Variants in MRNIP observed in about 807,000 individuals in gnomAD.
MRNIP encodes the protein MRN complex interacting protein, also known as MRN complex-interacting protein.
In MRNIP, 30 loss-of-function variants were observed where a neutral mutation model predicts 29.8. That is an observed-to-expected ratio of 1.01 (90% CI 0.75 to 1.36). The LOEUF (loss-of-function observed/expected upper bound fraction) is 1.36, where lower values mean the gene tolerates loss of function less well. MRNIP is among the 40% of genes most tolerant of loss of function. The pLI is 0.00. For synonymous variants in MRNIP, 201 were observed against 164.1 expected, an observed-to-expected ratio of 1.23 and a Z score of -1.72; for missense variants, 459 against 423.5, an observed-to-expected ratio of 1.08 and a Z score of -0.74.
chr5:179,856,375 G>T lies in MRNIP; in HGVS notation c.66+2356C>A, dbSNP rs535568918. 6.1e-4 allele frequency among the ~76,000 whole-genome samples: 93 copies of T among 152,136 alleles called. 1 individual carries two copies. Among genetic ancestry groups the T allele is most frequent in the Non-Finnish European group, 1.2e-3 (81 of 68,040 alleles). On this transcript the variant is annotated intron_variant, in intron 1 of 6. Transcript: ENST00000292586. ...AGATGGGAATGATGCCTAAGTCAAAGGTTGTTGAAGTTAAACGTGTTAAAG... is the reference window on the plus strand; with the variant it reads ...AGATGGGAATGATGCCTAAGTCAAATGTTGTTGAAGTTAAACGTGTTAAAG...
intron 1 of MRNIP, among the ~76,000 whole-genome samples, chr5:179,857,332 GC>G: frequency 6.6e-6 from 1 of 152,026 alleles, no homozygotes; most frequent in East Asian, 1.9e-4. Context: ...TTGGTGGCGC[GC>G]GCCTGTAATC....
chr5:179,844,319 G>A, intron 3 of MRNIP, 92 bp from the exon 4 acceptor site: 2 of 1,001,422 alleles, frequency 2.0e-6, no homozygotes, highest in Admixed American at 1.8e-5. Context: ...TTGGGAGGCT[G>A]AGGCAGGTGG....
At chr5:179,845,074 C>G (rs185062098) in intron 3 of MRNIP, among the ~76,000 whole-genome samples, 67 of 152,246 alleles carry the variant, frequency 4.4e-4, no homozygotes, top group Middle Eastern at 3.4e-3. Flanking sequence ...CTCAACTTTC[C>G]CTTATATTTT....
At chr5:179,854,661 A>G (rs1023148329) in intron 1 of MRNIP, among the ~76,000 whole-genome samples, 4 of 152,160 alleles carry the variant, frequency 2.6e-5, no homozygotes, top group Admixed American at 1.3e-4. Flanking sequence ...CCCAAATTGA[A>G]GCTGTAAAAA....
chr5:179,855,167 G>C (rs548705302), intron 1 of MRNIP, among the ~76,000 whole-genome samples: 1 of 151,900 alleles, frequency 6.6e-6, no homozygotes, highest in Non-Finnish European at 1.5e-5. Flanking sequence ...TTTTTGAGAC[G>C]GAGTTTCGCT....
chr5:179,844,638 C>A (rs1292615510), intron 3 of MRNIP, among the ~76,000 whole-genome samples: 3 of 152,030 alleles, frequency 2.0e-5, no homozygotes, highest in Non-Finnish European at 1.5e-5. Flanking sequence ...CTTGCCCAGG[C>A]TAGTCTCAAA....
chr5:179,858,702 G>A lies in MRNIP; in HGVS notation c.66+29C>T, dbSNP rs1315721454. The A allele has an allele frequency of 4.3e-6, 6 of 1,396,508 alleles. No homozygotes were observed. In the East Asian group the frequency reaches 1.1e-4, roughly 25 times the overall value. 86.5% of individuals were successfully genotyped at this position (1,396,508 alleles called of 1,614,324 possible). A position where few individuals can be genotyped will look rare whatever the true frequency, so the allele number is the denominator to read the frequency against. On this transcript the variant is annotated intron_variant, in intron 1 of 6. Transcript: ENST00000292586. ...CCCGTCCGCTGTCCCCGCGCCGGAG[G>A]AGGAGGAGGGGGCTGGCACCCGCCA...
chr5:179,844,561 C>T (rs374271512), intron 3 of MRNIP, among the ~76,000 whole-genome samples: 1 of 151,992 alleles, frequency 6.6e-6, no homozygotes, highest in African/African-American at 2.4e-5. Context: ...TATCTGGGAC[C>T]ACAGGCACGC....
chr5:179,852,351 AACAGCTGGTC>A (rs1227728230), intron 2 of MRNIP, among the ~76,000 whole-genome samples: 1 of 152,190 alleles, frequency 6.6e-6, no homozygotes, highest in Admixed American at 6.5e-5. Context: ...GTAAACAGTA[AACAGCTGGTC>A]ACGTGGATAA....
chr5:179,858,024 AAAAG>A (rs201356976), intron 1 of MRNIP, among the ~76,000 whole-genome samples: 187 of 141,044 alleles, frequency 1.3e-3, no homozygotes, highest in Non-Finnish European at 1.6e-3. Context: ...AAAAAAAAAA[AAAAG>A]AAGAAGAAGT....
intron 1 of MRNIP, among the ~76,000 whole-genome samples, chr5:179,855,906 T>TG (rs1491568711): frequency 1.4e-4 from 20 of 142,324 alleles, no homozygotes; most frequent in African/African-American, 5.6e-4. Flanking sequence ...TAAGAAAAGT[T>TG]GTTTTTTTTT....
chr5:179,850,221 T>C (rs1229926851), intron 2 of MRNIP, among the ~76,000 whole-genome samples: 1 of 152,138 alleles, frequency 6.6e-6, no homozygotes, highest in Non-Finnish European at 1.5e-5. Context: ...AGAGGATGCG[T>C]CCTGCTATGG....
intron 2 of MRNIP, chr5:179,853,096 G>C (rs1055281720): frequency 1.4e-6 from 1 of 692,240 alleles, no homozygotes; most frequent in African/African-American, 1.8e-5. Flanking sequence ...ATCTGTGAGG[G>C]CAAGAATGAC....
chr5:179,858,810 G>T lies in MRNIP; in HGVS notation c.-14C>A. The T allele has an allele frequency of 6.5e-7, 1 of 1,539,066 alleles. No individual in the cohort carries two copies. Among genetic ancestry groups the T allele is most frequent in the Admixed American group, 2.0e-5 (1 of 50,334 alleles). Reference sequence around the variant, plus strand: ...AAGCGACGCCATCCCTGCTTGTGCAGTCGCCAGGCAGCCAAGCGCGTGCGC... The same window carrying T: ...AAGCGACGCCATCCCTGCTTGTGCATTCGCCAGGCAGCCAAGCGCGTGCGC... On this transcript the variant is annotated 5_prime_UTR_variant, in exon 1 of 7. It adds an upstream start codon to the 5' untranslated region. Coordinates refer to ENST00000292586, the MANE Select transcript of MRNIP (RefSeq NM_016175.4).
chr5:179,849,145 T>A (rs536309978), intron 2 of MRNIP, among the ~76,000 whole-genome samples: 40 of 147,692 alleles, frequency 2.7e-4, no homozygotes, highest in South Asian at 6.6e-4. Flanking sequence ...AGGCAGATGG[T>A]ACAAGACGGA....
At chr5:179,838,173 C>T (rs532291627) in intron 6 of MRNIP, 13 of 483,956 alleles carry the variant, frequency 2.7e-5, no homozygotes, top group South Asian at 5.6e-5. Flanking sequence ...ATCAGGTTAC[C>T]GGTGCCTACA....
chr5:179,840,230 G>C (rs192693233), intron 6 of MRNIP: 1 of 152,416 alleles, frequency 6.6e-6, no homozygotes, highest in African/African-American at 2.4e-5. Flanking sequence ...GTGAGCCACT[G>C]CGCCTGGCCT....
chr5:179,850,967 A>G (rs901398620), intron 2 of MRNIP: 2 of 313,598 alleles, frequency 6.4e-6, no homozygotes, highest in Non-Finnish European at 1.3e-5. Flanking sequence ...AAGCAGCTCA[A>G]GATGGCAGGA....
Position 179,850,599 on chromosome 5 carries a change from G to T in MRNIP, c.127-2533C>A, listed in dbSNP as rs1290315690. On this transcript the variant is annotated intron_variant, in intron 2 of 6. Coordinates refer to ENST00000292586, the MANE Select transcript of MRNIP (RefSeq NM_016175.4). ...ACTGCTGACGCTGACAGAAGCAATT[G>T]TAATGGACACGTAGGGAGTGCAGTC... Among the ~76,000 whole-genome samples, 8 of 152,194 alleles carry T rather than the reference G, an allele frequency of 5.3e-5. No individual in the cohort carries two copies. The South Asian group carries it at 1.7e-3, about 32-fold the overall frequency.
Sources: allele counts gnomAD v4.1 joint callset (sites outside exome capture counted in the v4.1 genomes callset), GRCh38; gene constraint gnomAD v4.1.1; transcripts MANE v1.5; gene names NCBI Gene and HGNC (gene_info 2026-07-23, HGNC 2026-07-21).